CSMD1: variants seen among roughly 807,000 people sequenced by gnomAD.
CSMD1 encodes CUB and Sushi multiple domains 1, also known as CUB and sushi domain-containing protein 1.
CSMD1 carries 213 observed loss-of-function variants against 417.5 expected under a neutral mutation model. The observed-to-expected ratio is 0.51, with a 90% CI of 0.46 to 0.57. The LOEUF is 0.57. Ranked by LOEUF, CSMD1 falls within the 20% of genes least tolerant of loss-of-function variation. The pLI, the probability that CSMD1 is intolerant of heterozygous loss-of-function variation, is 0.00. For synonymous variants in CSMD1, 2,862 were observed against 1,736.8 expected, an observed-to-expected ratio of 1.65 and a Z score of -16.11; for missense variants, 6,923 against 4,529.7, an observed-to-expected ratio of 1.53 and a Z score of -15.17.
At chr8:4,854,077 C>G (rs1476998344) in intron 1 of CSMD1, among the ~76,000 whole-genome samples, 1 of 152,044 alleles carries the variant, frequency 6.6e-6, no homozygotes, top group African/African-American at 2.4e-5. Flanking sequence ...GAACTCATCT[C>G]CAGAAGAGAC....
intron 2 of CSMD1, among the ~76,000 whole-genome samples, chr8:4,521,229 G>C (rs373109457): frequency 1.1e-4 from 16 of 152,126 alleles, no homozygotes; most frequent in South Asian, 4.1e-4. Context: ...TAACAAAAAA[G>C]AACCAGAATG....
chr8:3,316,795 TG>T (rs1269793976), intron 23 of CSMD1, among the ~76,000 whole-genome samples: 1 of 151,632 alleles, frequency 6.6e-6, no homozygotes, highest in African/African-American at 2.4e-5. Context: ...CAGCGTGCAG[TG>T]GGGGGAAGGC....
rs35840582 is a variant in CSMD1 at position 3,226,581 on chromosome 8, CAAA to C, written c.4346-2717_4346-2715del. 1.9e-3 allele frequency among the ~76,000 whole-genome samples: 126 copies of C among 67,734 alleles called. 1 individual carries two copies. The highest frequency in any genetic ancestry group is 5.7e-3 in the African/African-American group (119 of 21,036). 44.4% of individuals were successfully genotyped at this position (67,734 alleles called of 152,430 possible). On this transcript the variant is annotated intron_variant, in intron 27 of 69. Transcript: ENST00000635120. ...TATGTGACAGAGCAAGACTCTGTCT[CAAA>C]AAAAAAAAAAAAAAAAAGTCGTTAA...
At chr8:3,184,963 G>A (rs1031641236) in intron 36 of CSMD1, among the ~76,000 whole-genome samples, 1 of 152,176 alleles carries the variant, frequency 6.6e-6, no homozygotes, top group Non-Finnish European at 1.5e-5. Context: ...TCAAGGTCCT[G>A]TCACATCCCT....
chr8:3,720,368 C>T (rs1802082206), intron 6 of CSMD1, among the ~76,000 whole-genome samples: 1 of 152,190 alleles, frequency 6.6e-6, no homozygotes, highest in African/African-American at 2.4e-5. Flanking sequence ...ACTGCTTCTG[C>T]CTTTTCTATC....
At chr8:3,587,072 T>C (rs1800634829) in intron 8 of CSMD1, among the ~76,000 whole-genome samples, 1 of 152,212 alleles carries the variant, frequency 6.6e-6, no homozygotes, top group Admixed American at 6.5e-5. Flanking sequence ...AATGCTAGGA[T>C]TACAGGCGTG....
chr8:4,207,103 C>T (rs184392141), intron 3 of CSMD1, among the ~76,000 whole-genome samples: 7 of 152,130 alleles, frequency 4.6e-5, no homozygotes, highest in Admixed American at 2.6e-4. Flanking sequence ...AGTGTTTTCT[C>T]ATTTTCTAAA....
rs1387020083 is a variant in CSMD1 at position 3,794,691 on chromosome 8, A to G, written c.819-40649T>C. Among the ~76,000 whole-genome samples, 2 of 152,086 alleles carry G rather than the reference A, an allele frequency of 1.3e-5. 1 individual carries two copies. The highest frequency in any genetic ancestry group is 2.9e-5 in the Non-Finnish European group (2 of 67,994). ...TATTTATCCTACTGGAAAAAATCTC[A>G]CTGCTTGACTGTAAACCTAGCAAAA... On this transcript the variant is annotated intron_variant, in intron 5 of 69. Coordinates refer to ENST00000635120, the MANE Select transcript of CSMD1 (RefSeq NM_033225.6).
At position 2,955,741 on chromosome 8, in the gene CSMD1, G is replaced by A. The variant is rs535735686; in HGVS notation, c.9842C>T (p.Pro3281Leu). 9 of 1,613,768 alleles carry A rather than the reference G, an allele frequency of 5.6e-6. No homozygotes were observed. Among genetic ancestry groups the A allele is most frequent in the Admixed American group, 1.7e-5 (1 of 59,992 alleles). Reference protein sequence around the residue: ...IPHACRQPETPAHADVRAIDL... With the variant: ...IPHACRQPETLAHADVRAIDL... ...GATGGCTCTCACATCCGCGTGTGCC[G>A]GGGTTTCTGGCTGTCTGCAGGCATG... The change falls in exon 64 of 70, where the codon CCG becomes CTG. Residue 3281 changes from proline to leucine, a missense_variant. Physicochemically the swap from Pro to Leu is moderately conservative, Grantham distance 98. Transcript: ENST00000635120.
intron 7 of CSMD1, among the ~76,000 whole-genome samples, chr8:3,637,957 T>A (rs1797128860): frequency 6.6e-6 from 1 of 152,210 alleles, no homozygotes; most frequent in South Asian, 2.1e-4. Flanking sequence ...CTCCTTCACC[T>A]TCTGCCATGA....
intron 1 of CSMD1, among the ~76,000 whole-genome samples, chr8:4,698,478 G>T (rs1344345518): frequency 6.6e-6 from 1 of 152,096 alleles, no homozygotes; most frequent in Non-Finnish European, 1.5e-5. Context: ...TAAGGCAGTT[G>T]GGATAGAAAA....
chr8:3,179,501 G>C (rs186928029), intron 37 of CSMD1, among the ~76,000 whole-genome samples: 4 of 152,262 alleles, frequency 2.6e-5, no homozygotes, highest in Admixed American at 2.6e-4. Flanking sequence ...GAATGATATT[G>C]TCTAGGAATA....
At chr8:4,145,360 G>C (rs13254340) in intron 3 of CSMD1, among the ~76,000 whole-genome samples, 45,282 of 150,744 alleles carry the variant, frequency 0.3, 8,749 homozygotes, top group Non-Finnish European at 0.4. Context: ...GAAAGATCTG[G>C]AAAAATGTCC....
intron 1 of CSMD1, among the ~76,000 whole-genome samples, chr8:4,807,093 G>C (rs951392770): frequency 2.0e-5 from 3 of 152,120 alleles, no homozygotes; most frequent in Non-Finnish European, 4.4e-5. Context: ...TTTAACCACA[G>C]ACTAATACAT....
At chr8:3,775,766 T>C (rs966081265) in intron 5 of CSMD1, among the ~76,000 whole-genome samples, 1 of 152,182 alleles carries the variant, frequency 6.6e-6, no homozygotes, top group Non-Finnish European at 1.5e-5. Flanking sequence ...ACTGCCTTAA[T>C]CTACAAAAGG....
chr8:4,871,492 C>A (rs190973124), intron 1 of CSMD1, among the ~76,000 whole-genome samples: 1 of 152,080 alleles, frequency 6.6e-6, no homozygotes, highest in African/African-American at 2.4e-5. Flanking sequence ...GTTGACCCAA[C>A]GCCCGTGTAT....
chr8:3,817,292 T>TTTTTTTTTTTTTTTTA (rs1563109891), intron 5 of CSMD1, among the ~76,000 whole-genome samples: 3 of 93,548 alleles, frequency 3.2e-5, no homozygotes, highest in African/African-American at 1.6e-4. Context: ...TTTTTTTTTT[T>TTTTTTTTTTTTTTTTA]TTTTTTGAGA....
chr8:3,683,474 G>T (rs1192252733), intron 7 of CSMD1, among the ~76,000 whole-genome samples: 1 of 152,076 alleles, frequency 6.6e-6, no homozygotes, highest in East Asian at 1.9e-4. Flanking sequence ...TTTCTGGAGG[G>T]GTGTTCATAG....
intron 1 of CSMD1, among the ~76,000 whole-genome samples, chr8:4,642,994 C>T (rs564404446): frequency 1.7e-4 from 26 of 152,302 alleles, no homozygotes; most frequent in African/African-American, 6.0e-4. Flanking sequence ...TGCAGAGGAA[C>T]AGTCTGGAGA....
Sources: allele counts gnomAD v4.1 joint callset (sites outside exome capture counted in the v4.1 genomes callset), GRCh38; gene constraint gnomAD v4.1.1; transcripts MANE v1.5; gene names NCBI Gene and HGNC (gene_info 2026-07-23, HGNC 2026-07-21).